Variants in NDST3 observed in about 807,000 individuals in gnomAD.
The protein encoded by NDST3 is N-deacetylase and N-sulfotransferase 3, also known as bifunctional heparan sulfate N-deacetylase/N-sulfotransferase 3.
Under a neutral mutation model 96.1 loss-of-function variants are expected in NDST3, and 58 were observed. The ratio of observed to expected loss-of-function variants is 0.60; its 90% CI spans 0.49 to 0.75. The LOEUF is 0.75. Among genes scored for constraint, NDST3 ranks in the 30% least tolerant of loss-of-function variants. The pLI is 0.00. For missense variants in NDST3, 788 were observed against 1,034.2 expected (o/e 0.76, Z 3.27); for synonymous variants, 333 against 359.7 (o/e 0.93, Z 0.84).
intron 6 of NDST3, among the ~76,000 whole-genome samples, chr4:118,164,748 A>T (rs973273782): frequency 7.2e-5 from 11 of 152,162 alleles, no homozygotes; most frequent in African/African-American, 2.4e-4. Context: ...TAAAAGGCAA[A>T]AGTATAAAAA....
chr4:118,214,666 C>G (rs1739078965), intron 6 of NDST3, among the ~76,000 whole-genome samples: 1 of 151,842 alleles, frequency 6.6e-6, no homozygotes, highest in South Asian at 2.1e-4. Flanking sequence ...TTTAAAGAAC[C>G]CAGGTAAGAT....
At chr4:118,212,912 T>G (rs1200061129) in intron 6 of NDST3, among the ~76,000 whole-genome samples, 2 of 152,206 alleles carry the variant, frequency 1.3e-5, no homozygotes, top group Admixed American at 1.3e-4. Flanking sequence ...AACTATGTTG[T>G]CAGACACTAT....
intron 2 of NDST3, among the ~76,000 whole-genome samples, chr4:118,083,194 A>G (rs575309359): frequency 1.3e-5 from 2 of 152,324 alleles, no homozygotes; most frequent in African/African-American, 2.4e-5. Context: ...AGTGTTTTCA[A>G]TACATGAGTT....
chr4:118,165,231 G>C (rs781773117), intron 6 of NDST3, among the ~76,000 whole-genome samples: 4 of 151,984 alleles, frequency 2.6e-5, no homozygotes, highest in Non-Finnish European at 5.9e-5. Context: ...TGAAAGCATG[G>C]AAAATTTATT....
At chr4:118,077,412 G>A (rs901672756) in intron 2 of NDST3, among the ~76,000 whole-genome samples, 1 of 152,190 alleles carries the variant, frequency 6.6e-6, no homozygotes, top group Non-Finnish European at 1.5e-5. Flanking sequence ...AGTAGATGGC[G>A]CTTAAGAGTG....
intron 5 of NDST3, among the ~76,000 whole-genome samples, chr4:118,140,087 CT>C (rs1333052288): frequency 6.6e-6 from 1 of 152,148 alleles, no homozygotes; most frequent in East Asian, 1.9e-4. Flanking sequence ...TCTGGACTGT[CT>C]ACCTTTCTAT....
intron 6 of NDST3, among the ~76,000 whole-genome samples, chr4:118,153,388 A>G (rs919276212): frequency 1.3e-5 from 2 of 152,238 alleles, no homozygotes; most frequent in Admixed American, 6.5e-5. Context: ...TTATAAATGA[A>G]TGAATGAACT....
intron 2 of NDST3, among the ~76,000 whole-genome samples, chr4:118,065,615 C>T (rs1177557924): frequency 6.6e-6 from 1 of 152,064 alleles, no homozygotes; most frequent in Non-Finnish European, 1.5e-5. Flanking sequence ...CACCTAAGCA[C>T]AGTTTACCAT....
intron 6 of NDST3, chr4:118,194,010 A>C: frequency 8.5e-7 from 1 of 1,177,468 alleles, no homozygotes; most frequent in Non-Finnish European, 1.3e-6. Flanking sequence ...ATCTCCCAAG[A>C]CTCCTTGGTC....
chr4:118,197,069 C>G (rs1737743183), intron 6 of NDST3, among the ~76,000 whole-genome samples: 1 of 151,286 alleles, frequency 6.6e-6, no homozygotes, highest in Admixed American at 6.6e-5. Flanking sequence ...AGAAATTTTT[C>G]AATTTCCATC....
At chr4:118,244,828 G>A (rs1439901254) in intron 12 of NDST3, among the ~76,000 whole-genome samples, 1 of 152,166 alleles carries the variant, frequency 6.6e-6, no homozygotes, top group Non-Finnish European at 1.5e-5. Flanking sequence ...AGTCACTGAA[G>A]AATCTGTGAT....
At chr4:118,062,402 A>G (rs935693601) in intron 2 of NDST3, among the ~76,000 whole-genome samples, 14 of 152,088 alleles carry the variant, frequency 9.2e-5, no homozygotes, top group African/African-American at 3.4e-4. Flanking sequence ...GGTCCCTAAT[A>G]GTTTTATGAT....
chr4:118,088,998 C>G (rs1366671224), intron 2 of NDST3, among the ~76,000 whole-genome samples: 1 of 151,806 alleles, frequency 6.6e-6, no homozygotes, highest in African/African-American at 2.4e-5. Context: ...AGGAAATGAC[C>G]AATTTAACTC....
rs1740700063 is a variant in NDST3, at chr4:118,237,222, TA to T, written c.2118+4del. ...GACCGAGCATACTCCTGGTACCAGG[TA>T]AGGAAAATGCAAATAAAATCCAACA... On this transcript the variant is annotated splice_donor_region_variant and intron_variant, in intron 10 of 13. Transcript: ENST00000296499. 2 of 1,597,838 alleles carry T rather than the reference TA, an allele frequency of 1.3e-6. No homozygotes were observed. Among genetic ancestry groups the T allele is most frequent in the African/African-American group, 2.7e-5 (2 of 74,258 alleles).
At chr4:118,134,838 CAT>C (rs1460475942) in intron 4 of NDST3, among the ~76,000 whole-genome samples, 6 of 152,148 alleles carry the variant, frequency 3.9e-5, no homozygotes, top group Non-Finnish European at 8.8e-5. Context: ...AAAATCTTAA[CAT>C]AGATTTCAGA....
chr4:118,145,430 C>A (rs1327989279), intron 6 of NDST3, among the ~76,000 whole-genome samples: 1 of 152,130 alleles, frequency 6.6e-6, no homozygotes, highest in Non-Finnish European at 1.5e-5. Flanking sequence ...AATTTCTAAA[C>A]CAAATGAGTT....
At chr4:118,106,349 AT>A (rs1318588821) in intron 3 of NDST3, among the ~76,000 whole-genome samples, 2 of 151,796 alleles carry the variant, frequency 1.3e-5, no homozygotes, top group Non-Finnish European at 2.9e-5. Flanking sequence ...AAGAACATGA[AT>A]TTTTTTTCTT....
chr4:118,250,553 C>T (rs1401126775), intron 12 of NDST3, among the ~76,000 whole-genome samples: 3 of 150,938 alleles, frequency 2.0e-5, no homozygotes, highest in Non-Finnish European at 4.4e-5. Flanking sequence ...GGCACAAACT[C>T]GGCTCACCGC....
In NDST3 at chr4:118,258,211, G is replaced by A. The variant is rs1473377451; in HGVS notation, c.*2499G>A. Reference sequence around the variant, plus strand: ...CTTACCAAAATTTATTCATTCACAAGTACATGTATTACGCTAGCTAGAGCA... The same window carrying A: ...CTTACCAAAATTTATTCATTCACAAATACATGTATTACGCTAGCTAGAGCA... On this transcript the variant is annotated 3_prime_UTR_variant, in exon 14 of 14. Coordinates refer to ENST00000296499, the MANE Select transcript of NDST3 (RefSeq NM_004784.3). 6.6e-6 allele frequency: 1 copy of A among 152,152 alleles called. No individual in the cohort carries two copies. Among genetic ancestry groups the A allele is most frequent in the Non-Finnish European group, 1.5e-5 (1 of 68,010 alleles). The allele number at this position is 152,152 out of a possible 1,614,324, so 9.4% of individuals were successfully genotyped here.
Sources: gnomAD v4.1 joint callset for allele counts (sites outside exome capture counted in the v4.1 genomes callset) on GRCh38, gnomAD v4.1.1 for gene constraint, MANE v1.5 for transcripts, NCBI Gene and HGNC (gene_info 2026-07-23, HGNC 2026-07-21) for gene names.